C12orf42: variants seen among roughly 807,000 people sequenced by gnomAD.
C12orf42 encodes chromosome 12 open reading frame 42, also known as uncharacterized protein C12orf42.
In C12orf42, 25 loss-of-function variants were observed where a neutral mutation model predicts 21.6. The observed-to-expected ratio is 1.16, with a 90% CI of 0.84 to 1.62. The LOEUF is 1.62. Among genes scored for constraint, C12orf42 ranks in the 40% most tolerant of loss-of-function variants. C12orf42 has a pLI of 0.00. For missense variants in C12orf42, 483 were observed against 459.3 expected (o/e 1.05, Z -0.47); for synonymous variants, 174 against 175.0 (o/e 0.99, Z 0.05).
intron 4 of C12orf42, among the ~76,000 whole-genome samples, chr12:103,343,996 T>C (rs1043213194): frequency 1.3e-5 from 2 of 152,136 alleles, no homozygotes; most frequent in Non-Finnish European, 1.5e-5. Context: ...AGTGTACATA[T>C]CTACAATGAA....
the C12orf42 span, among the ~76,000 whole-genome samples, chr12:103,210,039 C>T: frequency 6.6e-6 from 1 of 151,948 alleles, no homozygotes; most frequent in Non-Finnish European, 1.5e-5. Flanking sequence ...GGCATCTTAG[C>T]TGTTTCTTCC....
chr12:103,298,289 C>T (rs1288181948), downstream of C12orf42, among the ~76,000 whole-genome samples: 3 of 152,304 alleles, frequency 2.0e-5, no homozygotes, highest in East Asian at 1.9e-4. Flanking sequence ...GCAAAAATCA[C>T]AAGCATTCCT....
Position 103,462,096 on chromosome 12 carries a change from G to GTTT in C12orf42, c.78+16250_78+16252dup, listed in dbSNP as rs71097979. 9.0e-4 allele frequency among the ~76,000 whole-genome samples: 25 copies of GTTT among 27,728 alleles called. 6 individuals are homozygous for GTTT. The highest frequency in any genetic ancestry group is 2.8e-3 in the African/African-American group (20 of 7,038). 18.2% of individuals were successfully genotyped at this position (27,728 alleles called of 152,430 possible). A position where few individuals can be genotyped will look rare whatever the true frequency, so the allele number is the denominator to read the frequency against. ...CCATTTTTGTTTTGTTTTTTGCTTG[G>GTTT]TTTTTTTTTTTTTTTTTTTTTTTTT... On this transcript the variant is annotated intron_variant, in intron 2 of 5. Coordinates refer to ENST00000548883, the MANE Select transcript of C12orf42 (RefSeq NM_198521.5).
chr12:103,233,535 C>T (rs1459871022), downstream of C12orf42, among the ~76,000 whole-genome samples: 2 of 152,076 alleles, frequency 1.3e-5, no homozygotes, highest in African/African-American at 4.8e-5. Context: ...AGAATTTGTG[C>T]ATATTTTGTT....
chr12:103,086,093 A>G, the C12orf42 span, among the ~76,000 whole-genome samples: 6 of 152,154 alleles, frequency 3.9e-5, no homozygotes, highest in East Asian at 1.9e-4. Flanking sequence ...CTTTTTAATG[A>G]TAATATAAAC....
upstream of C12orf42, among the ~76,000 whole-genome samples, chr12:103,497,807 G>C (rs546944603): frequency 6.6e-6 from 1 of 152,104 alleles, no homozygotes; most frequent in Non-Finnish European, 1.5e-5. Context: ...CGAGGCAGGC[G>C]GATCACTAGG....
chr12:103,362,341 C>T (rs1159981216), intron 4 of C12orf42, among the ~76,000 whole-genome samples: 3 of 152,060 alleles, frequency 2.0e-5, no homozygotes, highest in Non-Finnish European at 4.4e-5. Context: ...CCCCATGGAA[C>T]AATTTAATCT....
chr12:103,403,501 G>A (rs1051986581), intron 2 of C12orf42, among the ~76,000 whole-genome samples: 1 of 152,166 alleles, frequency 6.6e-6, no homozygotes, highest in East Asian at 1.9e-4. Flanking sequence ...GATAGATGAG[G>A]AAACTGCTCG....
rs189324074 is a variant in C12orf42, at chr12:103,274,389, T to A, written n.398+2761A>T. Reference sequence around the variant, plus strand: ...GAACAGTAAACCCTACCTCCCTGGGTTGTAGCAAGCATTAAATATGTATAA... The same window carrying A: ...GAACAGTAAACCCTACCTCCCTGGGATGTAGCAAGCATTAAATATGTATAA... On this transcript the variant is annotated intron_variant and non_coding_transcript_variant, in intron 5 of 6. Transcript: ENST00000546526. 2.3e-4 allele frequency among the ~76,000 whole-genome samples: 35 copies of A among 152,204 alleles called. 1 individual carries two copies. Among genetic ancestry groups the A allele is most frequent in the Admixed American group, 2.0e-3 (31 of 15,270 alleles).
chr12:103,115,124 T>C, the C12orf42 span, among the ~76,000 whole-genome samples: 1 of 152,230 alleles, frequency 6.6e-6, no homozygotes, highest in African/African-American at 2.4e-5. Context: ...AATAAAGTCT[T>C]TATGTTAATC....
the C12orf42 span, among the ~76,000 whole-genome samples, chr12:103,198,385 A>G: frequency 6.6e-6 from 1 of 152,146 alleles, no homozygotes; most frequent in Non-Finnish European, 1.5e-5. Context: ...GAACCCTGGG[A>G]GAGGCCGGCA....
intron 2 of C12orf42, among the ~76,000 whole-genome samples, chr12:103,448,129 G>A (rs1951695583): frequency 6.6e-6 from 1 of 151,796 alleles, no homozygotes; most frequent in Non-Finnish European, 1.5e-5. Context: ...AAAACCCAGA[G>A]ATAAAGCCAA....
chr12:103,537,330 T>C, the C12orf42 span, among the ~76,000 whole-genome samples: 2 of 139,952 alleles, frequency 1.4e-5, no homozygotes, highest in Admixed American at 1.4e-4. Context: ...TTAAGGTTTA[T>C]GAAAAAAAAA....
chr12:103,455,681 C>A (rs565195660), intron 2 of C12orf42, among the ~76,000 whole-genome samples: 1 of 152,048 alleles, frequency 6.6e-6, no homozygotes, highest in East Asian at 1.9e-4. Context: ...ATCTTTTTGT[C>A]CTTTTCTCTT....
At chr12:103,089,034 G>A in the C12orf42 span, among the ~76,000 whole-genome samples, 17 of 145,912 alleles carry the variant, frequency 1.2e-4, no homozygotes, top group African/African-American at 3.6e-4. Context: ...CCCGGGAGGC[G>A]GAGCTTGCAG....
At chr12:103,319,476 G>A (rs2039869740) in intron 4 of C12orf42, among the ~76,000 whole-genome samples, 1 of 152,210 alleles carries the variant, frequency 6.6e-6, no homozygotes, top group Non-Finnish European at 1.5e-5. Context: ...GCTTCAACTT[G>A]TATGAACAAG....
At chr12:103,282,699 A>G (rs1446078814) in intron 4 of C12orf42, among the ~76,000 whole-genome samples, 1 of 152,228 alleles carries the variant, frequency 6.6e-6, no homozygotes, top group Non-Finnish European at 1.5e-5. Flanking sequence ...AATGGAAAAA[A>G]GCGATGAGGA....
chr12:103,197,364 G>A, the C12orf42 span, among the ~76,000 whole-genome samples: 7 of 152,096 alleles, frequency 4.6e-5, no homozygotes, highest in African/African-American at 1.2e-4. Context: ...TAATACTTCC[G>A]ATTATATTGT....
At chr12:103,071,481 T>C in the C12orf42 span, among the ~76,000 whole-genome samples, 1 of 152,172 alleles carries the variant, frequency 6.6e-6, no homozygotes, top group African/African-American at 2.4e-5. Flanking sequence ...TTGATGTTGA[T>C]ATGATTCGGC....
Sources: gnomAD v4.1 joint callset for allele counts (sites outside exome capture counted in the v4.1 genomes callset) on GRCh38, gnomAD v4.1.1 for gene constraint, MANE v1.5 for transcripts, NCBI Gene and HGNC (gene_info 2026-07-23, HGNC 2026-07-21) for gene names.